The following TMTC1 variants were observed in gnomAD, a reference collection of about 807,000 sequenced individuals.
The protein encoded by TMTC1 is transmembrane O-mannosyltransferase targeting cadherins 1.
A neutral mutation model predicts 104.8 loss-of-function variants in TMTC1; 73 were observed. The observed-to-expected ratio is 0.70, with a 90% CI of 0.58 to 0.85. TMTC1 has a LOEUF of 0.85. Among genes scored for constraint, TMTC1 ranks in the 40% least tolerant of loss-of-function variants. The pLI is 0.00. For synonymous variants in TMTC1, 434 were observed against 428.7 expected (o/e 1.01, Z -0.15); for missense variants, 1,035 against 1,096.1 (o/e 0.94, Z 0.79).
Position 29,564,890 on chromosome 12 carries a change from G to C in TMTC1, c.1532+7215C>G, listed in dbSNP as rs1945466964. On this transcript the variant is annotated intron_variant, in intron 9 of 17. Transcript: ENST00000539277. ...GAGGAAGCAAAGGATTTAAACAGAG[G>C]ATTATAAATAAGCTCTGAGAAACTG... is the stretch of plus-strand genomic sequence containing the variant. 3.3e-5 allele frequency among the ~76,000 whole-genome samples: 5 copies of C among 152,084 alleles called. No homozygotes were observed. The South Asian group carries it at 1.0e-3, about 31-fold the overall frequency.
chr12:29,658,953 T>C lies in TMTC1; in HGVS notation c.939-25617A>G, dbSNP rs538224844. Among the ~76,000 whole-genome samples, 6 of 152,168 alleles carry C rather than the reference T, an allele frequency of 3.9e-5. No homozygotes were observed. The South Asian group carries it at 1.2e-3, about 32-fold the overall frequency. On this transcript the variant is annotated intron_variant, in intron 5 of 17. Coordinates refer to ENST00000539277, the MANE Select transcript of TMTC1 (RefSeq NM_001193451.2). ...CAGCTATACATCACAGCAAATAAAA[T>C]AGTTAAGGACTTAAAATCCTATTCA...
intron 4 of TMTC1, among the ~76,000 whole-genome samples, chr12:29,753,447 G>A (rs914324742): frequency 2.6e-5 from 4 of 152,214 alleles, no homozygotes; most frequent in Admixed American, 6.5e-5. Context: ...CTGGAGCCAC[G>A]CGGACATGGG....
intron 9 of TMTC1, among the ~76,000 whole-genome samples, chr12:29,568,014 A>G (rs1945565574): frequency 6.6e-6 from 1 of 152,156 alleles, no homozygotes. Flanking sequence ...TTCCACATAC[A>G]TGTACTGCAG....
chr12:29,687,072 C>T (rs1210954319), intron 5 of TMTC1, among the ~76,000 whole-genome samples: 2 of 152,090 alleles, frequency 1.3e-5, no homozygotes, highest in Admixed American at 6.5e-5. Context: ...AGAAAATCAC[C>T]ATTTGGCAAC....
chr12:29,725,366 G>A (rs1413034671), intron 5 of TMTC1, among the ~76,000 whole-genome samples: 2 of 148,962 alleles, frequency 1.3e-5, no homozygotes, highest in Non-Finnish European at 3.0e-5. Context: ...ATGGAATTTC[G>A]CTTTTTGCCC....
chr12:29,570,687 T>A (rs1945643303), intron 9 of TMTC1, among the ~76,000 whole-genome samples: 1 of 152,058 alleles, frequency 6.6e-6, no homozygotes, highest in East Asian at 1.9e-4. Flanking sequence ...CTGCTAAAAA[T>A]ACAAAAATTA....
intron 6 of TMTC1, among the ~76,000 whole-genome samples, chr12:29,622,782 G>A (rs1407595083): frequency 6.6e-6 from 1 of 152,200 alleles, no homozygotes; most frequent in Non-Finnish European, 1.5e-5. Context: ...AGAATGAATG[G>A]TGTGTGAGTA....
intron 10 of TMTC1, among the ~76,000 whole-genome samples, chr12:29,550,690 G>A (rs1351723974): frequency 6.6e-6 from 1 of 152,148 alleles, no homozygotes; most frequent in African/African-American, 2.4e-5. Flanking sequence ...GGGGGGCCCT[G>A]AAGGGACAGA....
At chr12:29,766,744 T>C (rs1404556020) in intron 2 of TMTC1, among the ~76,000 whole-genome samples, 1 of 152,062 alleles carries the variant, frequency 6.6e-6, no homozygotes, top group African/African-American at 2.4e-5. Flanking sequence ...CAGGGAAGCG[T>C]CCAAAGAGAT....
chr12:29,648,323 T>C (rs1007409421), intron 5 of TMTC1, among the ~76,000 whole-genome samples: 1 of 152,240 alleles, frequency 6.6e-6, no homozygotes, highest in Non-Finnish European at 1.5e-5. Context: ...TCCATGGCTC[T>C]ACTCACAGAA....
rs1378840828 is a variant in TMTC1 at position 29,506,796 on chromosome 12, C to G, written c.*50G>C. ...TGTGAAAGCAAGGCTTCCATCACTCCCCTTTCAGAGGCACCACATTATCCT... is the reference window on the plus strand; with the variant it reads ...TGTGAAAGCAAGGCTTCCATCACTCGCCTTTCAGAGGCACCACATTATCCT... On this transcript the variant is annotated 3_prime_UTR_variant, in exon 18 of 18. Coordinates refer to ENST00000539277, the MANE Select transcript of TMTC1 (RefSeq NM_001193451.2). 6 of 1,607,906 alleles carry G rather than the reference C, an allele frequency of 3.7e-6. No individual in the cohort carries two copies. The African/African-American group carries it at 6.7e-5, about 18-fold the overall frequency.
intron 6 of TMTC1, among the ~76,000 whole-genome samples, chr12:29,627,836 T>TG (rs1290139489): frequency 1.5e-4 from 23 of 152,326 alleles, no homozygotes; most frequent in Admixed American, 4.6e-4. Flanking sequence ...TCATAACATT[T>TG]GAAAAACAGC....
chr12:29,587,122 T>C (rs1946158400), intron 7 of TMTC1, among the ~76,000 whole-genome samples: 2 of 152,298 alleles, frequency 1.3e-5, no homozygotes, highest in South Asian at 4.2e-4. Flanking sequence ...AGCCTGTTAT[T>C]GGTCTATTCA....
chr12:29,703,695 G>C (rs1229549343), intron 5 of TMTC1, among the ~76,000 whole-genome samples: 1 of 152,126 alleles, frequency 6.6e-6, no homozygotes, highest in South Asian at 2.1e-4. Flanking sequence ...TCCACCCCCT[G>C]ACTGTTTTAT....
At chr12:29,639,207 T>A (rs1044093746) in intron 5 of TMTC1, among the ~76,000 whole-genome samples, 1 of 152,152 alleles carries the variant, frequency 6.6e-6, no homozygotes, top group African/African-American at 2.4e-5. Flanking sequence ...CATTACATAG[T>A]TGAGAACAGT....
chr12:29,710,955 T>TATAA lies in TMTC1; in HGVS notation c.938+40710_938+40711insTTAT, dbSNP rs1385515606. On this transcript the variant is annotated intron_variant, in intron 5 of 17. Coordinates refer to ENST00000539277, the MANE Select transcript of TMTC1 (RefSeq NM_001193451.2). ...TATTAATAATATATAAATATATATA[T>TATAA]AAATATATTAATAATATATAAATAT... is the stretch of plus-strand genomic sequence containing the variant. Among the ~76,000 whole-genome samples, 571 of 65,786 alleles carry TATAA rather than the reference T, an allele frequency of 8.7e-3. 8 individuals carry two copies. The highest frequency in any genetic ancestry group is 0.02 in the African/African-American group (526 of 26,212). 43.2% of individuals were successfully genotyped at this position (65,786 alleles called of 152,430 possible).
rs117182966 is a variant in TMTC1, at chr12:29,516,732, T to G, written c.2170-246A>C. Among the ~76,000 whole-genome samples the G allele has an allele frequency of 2.9e-3, 435 of 152,288 alleles. 4 individuals are homozygous for G. The highest frequency in any genetic ancestry group is 0.01 in the Middle Eastern group (3 of 294). ...CACTAAATATATCCAGTGAAATGGC[T>G]TGTGGCTTTTAAAAAAGGTTGACCA... On this transcript the variant is annotated intron_variant, in intron 14 of 17. Coordinates refer to ENST00000539277, the MANE Select transcript of TMTC1 (RefSeq NM_001193451.2).
chr12:29,735,044 T>C (rs1480481277), intron 5 of TMTC1, among the ~76,000 whole-genome samples: 1 of 152,206 alleles, frequency 6.6e-6, no homozygotes, highest in African/African-American at 2.4e-5. Context: ...GCCAACCGTG[T>C]TCACATTCAA....
intron 11 of TMTC1, among the ~76,000 whole-genome samples, chr12:29,523,111 T>C (rs138333121): frequency 6.6e-6 from 1 of 152,354 alleles, no homozygotes; most frequent in African/African-American, 2.4e-5. Flanking sequence ...TGGGTATTTG[T>C]CCATCTGTTC....
Sources: gnomAD v4.1 joint callset for allele counts (sites outside exome capture counted in the v4.1 genomes callset) on GRCh38, gnomAD v4.1.1 for gene constraint, MANE v1.5 for transcripts, NCBI Gene and HGNC (gene_info 2026-07-23, HGNC 2026-07-21) for gene names.